Variants in ANO3 observed in about 807,000 individuals in gnomAD.
ANO3 encodes the protein anoctamin 3.
In ANO3, 99 loss-of-function variants were observed where a neutral mutation model predicts 144.8. That is an observed-to-expected ratio of 0.68 (90% CI 0.58 to 0.81). The LOEUF (loss-of-function observed/expected upper bound fraction) is 0.81, where lower values mean the gene tolerates loss of function less well. ANO3 is among the 30% of genes least tolerant of loss of function. ANO3 has a pLI of 0.00. For missense variants in ANO3, 905 were observed against 1,202.2 expected, an observed-to-expected ratio of 0.75 and a Z score of 3.66; for synonymous variants, 414 against 392.6, an observed-to-expected ratio of 1.05 and a Z score of -0.64.
intron 9 of ANO3, among the ~76,000 whole-genome samples, chr11:26,535,841 C>T (rs1397449956): frequency 6.6e-6 from 1 of 151,664 alleles, no homozygotes; most frequent in Non-Finnish European, 1.5e-5. Flanking sequence ...CCTCAGCCTC[C>T]CAAAGTGCTG....
chr11:26,500,805 A>G (rs964710329), intron 4 of ANO3, among the ~76,000 whole-genome samples: 1 of 151,798 alleles, frequency 6.6e-6, no homozygotes, highest in African/African-American at 2.4e-5. Flanking sequence ...CCAAAAAAAG[A>G]AAAACACCCG....
chr11:26,625,397 C>T (rs1398292170), intron 18 of ANO3, among the ~76,000 whole-genome samples: 1 of 152,178 alleles, frequency 6.6e-6, no homozygotes, highest in Non-Finnish European at 1.5e-5. Context: ...TGTCCCCCGA[C>T]ACTCCATCTT....
At chr11:26,426,165 A>T (rs1366105655) in intron 1 of ANO3, among the ~76,000 whole-genome samples, 1 of 152,206 alleles carries the variant, frequency 6.6e-6, no homozygotes, top group Non-Finnish European at 1.5e-5. Context: ...GTCTAACAAT[A>T]CAGCTATAAC....
rs1180969847 is a variant in ANO3, at chr11:26,660,324, A to T, written c.2826A>T (p.Leu942=). 5 of 1,613,712 alleles carry T rather than the reference A, an allele frequency of 3.1e-6. No individual in the cohort carries two copies. Among genetic ancestry groups the T allele is most frequent in the Non-Finnish European group, 4.2e-6 (5 of 1,179,728 alleles). ...TGATTCCAGACGTACCAAAGGGTCT[A>T]CATGACCGAATACGACGAGAGAAGT... is the stretch of plus-strand genomic sequence containing the variant. The part of the protein sequence containing the change: ...AYLIPDVPKG[L]HDRIRREKYL... The change falls in exon 27 of 27, where the codon CTA becomes CTT. Residue 942 remains leucine, a synonymous_variant. Transcript: ENST00000256737.
intron 14 of ANO3, chr11:26,565,445 G>A (rs762184450): frequency 1.9e-6 from 3 of 1,613,338 alleles, no homozygotes; most frequent in Non-Finnish European, 2.5e-6. Flanking sequence ...GTGTAGCATT[G>A]GGATGTGCTG....
chr11:26,422,874 G>A (rs1398716802), intron 1 of ANO3, among the ~76,000 whole-genome samples: 1 of 151,908 alleles, frequency 6.6e-6, no homozygotes, highest in African/African-American at 2.4e-5. Context: ...TGTACTCTGA[G>A]AACATTAGGA....
At chr11:26,651,080 T>C (rs1853516974) in intron 24 of ANO3, among the ~76,000 whole-genome samples, 1 of 152,164 alleles carries the variant, frequency 6.6e-6, no homozygotes. Context: ...TAAAAATAAA[T>C]GGTGATATTA....
chr11:26,456,866 A>C (rs1204890810), intron 3 of ANO3, among the ~76,000 whole-genome samples: 2 of 141,874 alleles, frequency 1.4e-5, no homozygotes, highest in East Asian at 4.2e-4. Flanking sequence ...AAAATGTGGC[A>C]CATATACACC....
intron 14 of ANO3, among the ~76,000 whole-genome samples, chr11:26,594,435 C>G (rs1443106924): frequency 6.6e-6 from 1 of 152,184 alleles, no homozygotes; most frequent in Non-Finnish European, 1.5e-5. Context: ...CATGTCAGAT[C>G]AAAGGATTGT....
At chr11:26,595,460 G>GTT (rs201712393) in intron 14 of ANO3, among the ~76,000 whole-genome samples, 2,330 of 101,134 alleles carry the variant, frequency 0.023, 308 homozygotes, top group African/African-American at 0.037. Flanking sequence ...AGATAGAGTT[G>GTT]TTTTTTTTTT....
intron 14 of ANO3, chr11:26,561,248 C>T: frequency 6.3e-7 from 1 of 1,581,234 alleles, no homozygotes; most frequent in East Asian, 2.3e-5. Context: ...CAAAATAATA[C>T]TGTTTCACAG....
At chr11:26,480,364 TTTATG>T (rs1202771174) in intron 4 of ANO3, among the ~76,000 whole-genome samples, 3 of 152,204 alleles carry the variant, frequency 2.0e-5, no homozygotes, top group African/African-American at 2.4e-5. Context: ...AACCTTTCAG[TTTATG>T]TTATAAGGGC....
intron 6 of ANO3, among the ~76,000 whole-genome samples, chr11:26,518,523 T>C (rs1861944986): frequency 6.6e-6 from 1 of 151,838 alleles, no homozygotes; most frequent in African/African-American, 2.4e-5. Flanking sequence ...GAAATTCAAT[T>C]TGAAAACATT....
chr11:26,477,652 T>C (rs1391172022), intron 4 of ANO3, among the ~76,000 whole-genome samples: 1 of 152,158 alleles, frequency 6.6e-6, no homozygotes, highest in Non-Finnish European at 1.5e-5. Context: ...ACCTTTGCAT[T>C]GTGCATAGAG....
At chr11:26,189,204 A>G (rs1330049032) in exon 1 of ANO3, 1 of 985,192 alleles carries the variant, frequency 1.0e-6, no homozygotes, top group African/African-American at 1.7e-5. Flanking sequence ...TGAACTGGAT[A>G]ATTTTTCTCC....
At chr11:26,567,279 A>G in intron 14 of ANO3, 2 of 481,170 alleles carry the variant, frequency 4.2e-6, no homozygotes, top group Non-Finnish European at 7.0e-6. Flanking sequence ...AAATCTGAGT[A>G]CTGATTTCAT....
intron 4 of ANO3, among the ~76,000 whole-genome samples, chr11:26,468,153 A>G (rs142051071): frequency 2.1e-3 from 316 of 151,998 alleles, no homozygotes; most frequent in African/African-American, 7.3e-3. Flanking sequence ...GGGATTATCT[A>G]TAGTTAATCT....
upstream of ANO3, among the ~76,000 whole-genome samples, chr11:26,327,606 C>G (rs1341795100): frequency 6.6e-6 from 1 of 152,152 alleles, no homozygotes; most frequent in African/African-American, 2.4e-5. Flanking sequence ...TTGGAAAGTG[C>G]TGCAAGAAAA....
intron 1 of ANO3, among the ~76,000 whole-genome samples, chr11:26,361,844 G>A (rs959521522): frequency 6.6e-6 from 1 of 152,084 alleles, no homozygotes; most frequent in Non-Finnish European, 1.5e-5. Flanking sequence ...CTGCCTGTGG[G>A]TGGTAAACCC....
Sources: allele counts gnomAD v4.1 joint callset (sites outside exome capture counted in the v4.1 genomes callset), GRCh38; gene constraint gnomAD v4.1.1; transcripts MANE v1.5; gene names NCBI Gene and HGNC (gene_info 2026-07-23, HGNC 2026-07-21).